SULF1: variants seen among roughly 807,000 people sequenced by gnomAD.
SULF1 encodes the protein extracellular sulfatase Sulf-1.
A neutral mutation model predicts 110.5 loss-of-function variants in SULF1; 46 were observed. The ratio of observed to expected loss-of-function variants is 0.42; its 90% CI spans 0.33 to 0.53. The LOEUF is 0.53. SULF1 is among the 20% of genes least tolerant of loss of function. The pLI is 0.12. For synonymous variants in SULF1, 371 were observed against 387.1 expected (o/e 0.96, Z 0.49); for missense variants, 941 against 1,094.2 (o/e 0.86, Z 1.98).
In SULF1 at chr8:69,627,866, G is replaced by C. The variant is rs758963465; in HGVS notation, c.2042G>C (p.Ser681Thr). 2.5e-6 allele frequency: 4 copies of C among 1,609,520 alleles called. No individual in the cohort carries two copies. In the South Asian group the frequency reaches 3.3e-5, roughly 13 times the overall value. The stretch of plus-strand genomic sequence containing the variant: ...GAGGAATGTAGCTGCAGTAAACAAA[G>C]GTGAGCTTGTTTCCATCCATGCTCC... ...KPEECSCSKQ[S>T]YYNKEKGVKK... The change falls in exon 17 of 23, where the codon AGC becomes ACC. Residue 681 changes from serine to threonine, a missense_variant and splice_region_variant. By Grantham distance (58) the Ser-to-Thr change is moderately conservative (BLOSUM62 1). Coordinates refer to ENST00000402687, the MANE Select transcript of SULF1 (RefSeq NM_001128205.2).
intron 6 of SULF1, among the ~76,000 whole-genome samples, chr8:69,585,794 A>G (rs1358900663): frequency 1.3e-5 from 2 of 152,226 alleles, no homozygotes; most frequent in Middle Eastern, 3.2e-3. Context: ...CATACTATAC[A>G]TGTGATATAA....
chr8:69,619,711 C>T (rs1809454555), intron 13 of SULF1, among the ~76,000 whole-genome samples: 1 of 152,258 alleles, frequency 6.6e-6, no homozygotes, highest in Non-Finnish European at 1.5e-5. Context: ...TGATCCCCTT[C>T]ACAGGATGTG....
chr8:69,538,210 T>G (rs1186094888), intron 3 of SULF1, among the ~76,000 whole-genome samples: 1 of 151,796 alleles, frequency 6.6e-6, no homozygotes, highest in Admixed American at 6.6e-5. Flanking sequence ...ATATGTATAC[T>G]TTTTTTTCAA....
At chr8:69,658,424 A>G (rs763567856) in intron 22 of SULF1, 81 bp from the exon 23 acceptor site, 19 of 1,031,288 alleles carry the variant, frequency 1.8e-5, no homozygotes, top group Non-Finnish European at 2.6e-5. Flanking sequence ...TTAACTCTGT[A>G]AAAACAATGT....
chr8:69,526,798 A>AAGGG (rs1812704738), intron 3 of SULF1, among the ~76,000 whole-genome samples: 1 of 112,198 alleles, frequency 8.9e-6, no homozygotes, highest in Non-Finnish European at 1.8e-5. Flanking sequence ...GTCAAGAAAG[A>AAGGG]AAGGAAGGAA....
At chr8:69,489,733 T>C (rs935852337), upstream of SULF1, among the ~76,000 whole-genome samples, 1 of 151,168 alleles carries the variant, frequency 6.6e-6, no homozygotes, top group Non-Finnish European at 1.5e-5. Flanking sequence ...CCTGCCACCA[T>C]GCCCAGCTAA....
chr8:69,526,906 C>T (rs113039552), intron 3 of SULF1, among the ~76,000 whole-genome samples: 3,411 of 151,904 alleles, frequency 0.022, 123 homozygotes, highest in African/African-American at 0.077. Context: ...GAAGAGGCTA[C>T]TTGAGTTTCA....
At chr8:69,556,037 C>CTTTAT (rs982758478) in intron 3 of SULF1, among the ~76,000 whole-genome samples, 45 of 152,192 alleles carry the variant, frequency 3.0e-4, no homozygotes, top group Admixed American at 2.3e-3. Flanking sequence ...AATGATTGAA[C>CTTTAT]TTTATACTGT....
rs1228269683 is a variant in SULF1, at chr8:69,501,860, C to G, written c.-228-14C>G. 1 of 152,180 alleles carries G rather than the reference C, an allele frequency of 6.6e-6. No homozygotes were observed. Among genetic ancestry groups the G allele is most frequent in the Admixed American group, 6.5e-5 (1 of 15,278 alleles). The allele number at this position is 152,180 out of a possible 1,614,324, so 9.4% of individuals were successfully genotyped here. ...AAACGTAACTGATGGCAATTTTGCT[C>G]TTTTCCATCGTAGGTGCTGACGGCC... On this transcript the variant is annotated splice_polypyrimidine_tract_variant and intron_variant, in intron 2 of 22. Transcript: ENST00000402687.
intron 3 of SULF1, among the ~76,000 whole-genome samples, chr8:69,509,712 T>C (rs1301471509): frequency 2.0e-5 from 3 of 152,226 alleles, no homozygotes; most frequent in Non-Finnish European, 4.4e-5. Context: ...ATACGTGTCA[T>C]GAGGCTGCCC....
Position 69,658,694 on chromosome 8 carries a change from G to A in SULF1, c.*159G>A, listed in dbSNP as rs547478722. The A allele has an allele frequency of 1.4e-6, 1 of 715,408 alleles. No homozygotes were observed. Among genetic ancestry groups the A allele is most frequent in the African/African-American group, 1.7e-5 (1 of 57,486 alleles). 44.3% of individuals were successfully genotyped at this position (715,408 alleles called of 1,614,324 possible). A position where few individuals can be genotyped will look rare whatever the true frequency, so the allele number is the denominator to read the frequency against. ...GATAGAGTATTTGCACTGCTGAAGA[G>A]TCACTATGAGCAAAATAAAACAAAT... On this transcript the variant is annotated 3_prime_UTR_variant, in exon 23 of 23. Transcript: ENST00000402687.
intron 2 of SULF1, among the ~76,000 whole-genome samples, chr8:69,496,725 T>C (rs1372334729): frequency 6.6e-6 from 1 of 152,260 alleles, no homozygotes; most frequent in Admixed American, 6.5e-5. Context: ...AAGCAAGTAC[T>C]ACACCCTCAC....
intron 6 of SULF1, among the ~76,000 whole-genome samples, chr8:69,582,787 T>A (rs1166958655): frequency 6.6e-6 from 1 of 152,150 alleles, no homozygotes; most frequent in Non-Finnish European, 1.5e-5. Context: ...AGTGCAAGCT[T>A]TTTGGAAACA....
intron 3 of SULF1, among the ~76,000 whole-genome samples, chr8:69,525,893 G>T (rs970938583): frequency 6.6e-6 from 1 of 152,132 alleles, no homozygotes; most frequent in Admixed American, 6.5e-5. Flanking sequence ...ATCGGAGACT[G>T]CCTCTTTAGA....
At chr8:69,593,873 T>C (rs1388140149) in intron 8 of SULF1, among the ~76,000 whole-genome samples, 1 of 152,222 alleles carries the variant, frequency 6.6e-6, no homozygotes, top group Non-Finnish European at 1.5e-5. Flanking sequence ...ACCCCTGCTT[T>C]AAGTTACTTC....
chr8:69,535,979 T>C (rs1813404823), intron 3 of SULF1, among the ~76,000 whole-genome samples: 1 of 151,524 alleles, frequency 6.6e-6, no homozygotes, highest in Non-Finnish European at 1.5e-5. Flanking sequence ...GATTGTACCA[T>C]TGCACTCCAG....
intron 19 of SULF1, among the ~76,000 whole-genome samples, chr8:69,630,970 G>C (rs4738008): frequency 0.74 from 110,463 of 149,114 alleles, 41,252 homozygotes; most frequent in East Asian, 0.99. Context: ...CCTCCCCCCT[G>C]CCCCCACCCT....
chr8:69,496,379 T>C (rs1810356669), intron 2 of SULF1, among the ~76,000 whole-genome samples: 2 of 152,276 alleles, frequency 1.3e-5, no homozygotes, highest in Admixed American at 1.3e-4. Flanking sequence ...CTTCCACTTC[T>C]GATGGCTCAC....
chr8:69,476,802 T>A (rs911173705), intron 1 of SULF1, among the ~76,000 whole-genome samples: 2 of 152,220 alleles, frequency 1.3e-5, no homozygotes. Context: ...AAGCCATTAA[T>A]GGCTAGCAAC....
Sources: gnomAD v4.1 joint callset for allele counts (sites outside exome capture counted in the v4.1 genomes callset) on GRCh38, gnomAD v4.1.1 for gene constraint, MANE v1.5 for transcripts, NCBI Gene and HGNC (gene_info 2026-07-23, HGNC 2026-07-21) for gene names.